NFIB: variants seen among roughly 807,000 people sequenced by gnomAD.
NFIB encodes the protein nuclear factor 1 B-type.
In NFIB, 11 loss-of-function variants were observed where a neutral mutation model predicts 61.5. That is an observed-to-expected ratio of 0.18 (90% CI 0.11 to 0.30). The LOEUF (loss-of-function observed/expected upper bound fraction) is 0.30, where lower values mean the gene tolerates loss of function less well. Ranked by LOEUF, NFIB falls within the 10% of genes least tolerant of loss-of-function variation. The pLI is 1.00. For missense variants in NFIB, 471 were observed against 608.9 expected, an observed-to-expected ratio of 0.77 and a Z score of 2.38; for synonymous variants, 260 against 216.5, an observed-to-expected ratio of 1.20 and a Z score of -1.76.
upstream of NFIB, among the ~76,000 whole-genome samples, chr9:14,315,561 G>C (rs1200917487): frequency 7.0e-6 from 1 of 142,990 alleles, no homozygotes; most frequent in East Asian, 2.1e-4. Context: ...CGGCGGGCGC[G>C]CGCGCGCCGC....
Position 14,179,712 on chromosome 9 carries a change from G to C in NFIB, c.616+15C>G, listed in dbSNP as rs1047859423. 6.2e-7 allele frequency: 1 copy of C among 1,613,220 alleles called. No homozygotes were observed. The highest frequency in any genetic ancestry group is 1.3e-5 in the African/African-American group (1 of 74,970). ...AACAATGTCAGATTGCAAATGTCCT[G>C]GAACACATATTTACCTGGAGGATTC... is the stretch of plus-strand genomic sequence containing the variant. On this transcript the variant is annotated intron_variant, in intron 3 of 10. Coordinates refer to ENST00000380953, the MANE Select transcript of NFIB (RefSeq NM_001190737.2).
chr9:14,401,560 GACTT>G (rs2061743630), upstream of NFIB, among the ~76,000 whole-genome samples: 1 of 152,144 alleles, frequency 6.6e-6, no homozygotes, highest in Non-Finnish European at 1.5e-5. Flanking sequence ...AGTATTTATT[GACTT>G]ACTTTGAAAG....
At chr9:14,379,776 G>A (rs531694063) in intron 1 of NFIB, among the ~76,000 whole-genome samples, 28 of 152,086 alleles carry the variant, frequency 1.8e-4, no homozygotes, top group Non-Finnish European at 2.4e-4. Flanking sequence ...TCCGCCTCCC[G>A]GGTTCAAGCA....
chr9:14,479,538 T>C, the NFIB span, among the ~76,000 whole-genome samples: 1 of 152,152 alleles, frequency 6.6e-6, no homozygotes, highest in African/African-American at 2.4e-5. Flanking sequence ...CTTGCACATG[T>C]TGGCAAAGTT....
chr9:14,202,275 G>C (rs952782789), intron 2 of NFIB, among the ~76,000 whole-genome samples: 18 of 152,232 alleles, frequency 1.2e-4, no homozygotes, highest in African/African-American at 4.3e-4. Flanking sequence ...GTGATAAGCA[G>C]AATGTGTAAA....
At chr9:14,330,377 A>G (rs2060806610) in intron 1 of NFIB, among the ~76,000 whole-genome samples, 1 of 152,214 alleles carries the variant, frequency 6.6e-6, no homozygotes, top group Admixed American at 6.5e-5. Context: ...TACAGAGACC[A>G]TATTTTCCGA....
the NFIB span, among the ~76,000 whole-genome samples, chr9:14,501,212 G>T: frequency 0.052 from 7,868 of 152,158 alleles, 290 homozygotes; most frequent in South Asian, 0.18. Context: ...TCTAAATGTG[G>T]TTCTTTAGAA....
intron 9 of NFIB, among the ~76,000 whole-genome samples, chr9:14,115,411 T>G (rs1236566239): frequency 6.6e-6 from 1 of 152,190 alleles, no homozygotes; most frequent in Non-Finnish European, 1.5e-5. Flanking sequence ...GCTCCAGTAC[T>G]AAGAAGCTGA....
chr9:14,353,347 G>A (rs577637078), intron 1 of NFIB, among the ~76,000 whole-genome samples: 27 of 152,276 alleles, frequency 1.8e-4, no homozygotes, highest in African/African-American at 6.5e-4. Flanking sequence ...TCTTCATTCA[G>A]GAAGAATAGC....
chr9:14,328,085 A>G (rs2060776399), intron 1 of NFIB, among the ~76,000 whole-genome samples: 1 of 152,232 alleles, frequency 6.6e-6, no homozygotes, highest in Non-Finnish European at 1.5e-5. Flanking sequence ...TTTTAGGAAC[A>G]TACCTAAAGT....
intron 10 of NFIB, among the ~76,000 whole-genome samples, chr9:14,092,439 CAAGTT>C (rs1042746938): frequency 2.6e-5 from 4 of 152,008 alleles, no homozygotes; most frequent in African/African-American, 9.7e-5. Context: ...GAAACTGAGG[CAAGTT>C]AAGTTCCTTG....
At chr9:14,524,324 T>G in the NFIB span, among the ~76,000 whole-genome samples, 2 of 152,172 alleles carry the variant, frequency 1.3e-5, no homozygotes, top group East Asian at 3.8e-4. Flanking sequence ...TCAAATGTGC[T>G]AGGGTGTTTT....
At chr9:14,310,044 T>C (rs2060209815) in intron 1 of NFIB, among the ~76,000 whole-genome samples, 1 of 152,200 alleles carries the variant, frequency 6.6e-6, no homozygotes, top group Non-Finnish European at 1.5e-5. Flanking sequence ...TATAAAGACA[T>C]CAAACACAGT....
At chr9:14,495,711 T>G in the NFIB span, among the ~76,000 whole-genome samples, 1 of 152,140 alleles carries the variant, frequency 6.6e-6, no homozygotes, top group Non-Finnish European at 1.5e-5. Flanking sequence ...AAAACACAGA[T>G]GGGAGACAAT....
the NFIB span, among the ~76,000 whole-genome samples, chr9:14,449,828 G>T: frequency 1.3e-5 from 2 of 151,952 alleles, no homozygotes; most frequent in Non-Finnish European, 2.9e-5. Flanking sequence ...CAACTACTCC[G>T]GAGGCTGAGG....
chr9:14,234,792 A>C (rs1366139183), intron 2 of NFIB, among the ~76,000 whole-genome samples: 1 of 128,776 alleles, frequency 7.8e-6, no homozygotes, highest in Non-Finnish European at 1.6e-5. Context: ...TGTTCGTTGA[A>C]ATTTTTTTTT....
At chr9:14,508,319 G>A in the NFIB span, among the ~76,000 whole-genome samples, 1 of 152,202 alleles carries the variant, frequency 6.6e-6, no homozygotes, top group East Asian at 1.9e-4. Flanking sequence ...ACACTGATGA[G>A]ATGATCTGCC....
intron 1 of NFIB, among the ~76,000 whole-genome samples, chr9:14,368,167 A>AG (rs1564034714): frequency 2.0e-5 from 3 of 151,282 alleles, no homozygotes; most frequent in South Asian, 2.1e-4. Context: ...AAAAAAAAAA[A>AG]AGAGAGACAG....
the NFIB span, among the ~76,000 whole-genome samples, chr9:14,530,500 C>T: frequency 6.6e-6 from 1 of 151,738 alleles, no homozygotes; most frequent in Non-Finnish European, 1.5e-5. Flanking sequence ...CAAGTAGCAG[C>T]GGCAGAAAAG....
Sources: gnomAD v4.1 joint callset for allele counts (sites outside exome capture counted in the v4.1 genomes callset) on GRCh38, gnomAD v4.1.1 for gene constraint, MANE v1.5 for transcripts, NCBI Gene and HGNC (gene_info 2026-07-23, HGNC 2026-07-21) for gene names.